Variants in FBLN5 observed in about 807,000 individuals in gnomAD.
The protein encoded by FBLN5 is fibulin 5.
Under a neutral mutation model 61.6 loss-of-function variants are expected in FBLN5, and 24 were observed. The observed-to-expected ratio is 0.39, with a 90% CI of 0.28 to 0.55. The LOEUF is 0.55. FBLN5 is among the 20% of genes least tolerant of loss of function. FBLN5 has a pLI of 0.65. For missense variants in FBLN5, 470 were observed against 594.1 expected (o/e 0.79, Z 2.17); for synonymous variants, 213 against 219.8 (o/e 0.97, Z 0.27).
chr14:91,925,808 C>CCCAG (rs1381096389), intron 4 of FBLN5, among the ~76,000 whole-genome samples: 3 of 152,242 alleles, frequency 2.0e-5, no homozygotes, highest in Non-Finnish European at 4.4e-5. Flanking sequence ...TGCCGTGGTA[C>CCCAG]CCAGCGTCTT....
rs8017530 is a variant in FBLN5 at position 91,924,087 on chromosome 14, T to C, written c.379+12860A>G. On this transcript the variant is annotated intron_variant, in intron 4 of 10. Coordinates refer to ENST00000342058, the MANE Select transcript of FBLN5 (RefSeq NM_006329.4). ...ATAAATTATGCCTAGTGTTCCATTA[T>C]TGGAACGCTAAGCATGTGGGAGTTA... 4.7e-3 allele frequency among the ~76,000 whole-genome samples: 720 copies of C among 152,328 alleles called. 5 individuals are homozygous for C. Among genetic ancestry groups the C allele is most frequent in the African/African-American group, 0.016 (677 of 41,570 alleles).
Position 91,940,629 on chromosome 14 carries a change from A to G in FBLN5, c.73-13T>C. The G allele has an allele frequency of 6.2e-7, 1 of 1,613,400 alleles. No individual in the cohort carries two copies. Among genetic ancestry groups the G allele is most frequent in the Non-Finnish European group, 8.5e-7 (1 of 1,179,298 alleles). On this transcript the variant is annotated splice_polypyrimidine_tract_variant and intron_variant, in intron 2 of 10. Transcript: ENST00000342058. ...TCGTGCACTGTGCCTGCAGGGAAGG[A>G]GAGAGGAGAAACAGGCAAGGTCATT...
In FBLN5 at chr14:91,883,074, T is replaced by C. The variant is rs1481040091; in HGVS notation, c.742A>G (p.Met248Val). ...AACTCAGAGAAGCTGCACTCGTCCA[T>C]ATCTGGGGTGACAAGTCACACCTGC... ...LEEDGVHCSD[M>V]DECSFSEFLC... The change falls in exon 8 of 11, where the codon ATG becomes GTG. Residue 248 changes from methionine to valine, a missense_variant and splice_region_variant. Coordinates refer to ENST00000342058, the MANE Select transcript of FBLN5 (RefSeq NM_006329.4). The C allele has an allele frequency of 1.2e-6, 2 of 1,613,750 alleles. No individual in the cohort carries two copies. Among genetic ancestry groups the C allele is most frequent in the Admixed American group, 3.3e-5 (2 of 60,002 alleles).
intron 4 of FBLN5, among the ~76,000 whole-genome samples, chr14:91,896,180 G>A (rs573532934): frequency 1.3e-5 from 2 of 152,232 alleles, no homozygotes; most frequent in South Asian, 4.2e-4. Flanking sequence ...TGCACTTTAG[G>A]GGAGAGCGCC....
intron 4 of FBLN5, among the ~76,000 whole-genome samples, chr14:91,912,284 G>T (rs1230837136): frequency 6.6e-6 from 1 of 152,154 alleles, no homozygotes; most frequent in Non-Finnish European, 1.5e-5. Context: ...ATCACGTGAG[G>T]CCAGGAGTTA....
chr14:91,885,036 G>C (rs1366188415), intron 7 of FBLN5, among the ~76,000 whole-genome samples: 7 of 152,164 alleles, frequency 4.6e-5, no homozygotes, highest in African/African-American at 1.7e-4. Context: ...GGAGGGGTCT[G>C]GGGCTACACG....
At chr14:91,901,099 T>C (rs1273850149) in intron 4 of FBLN5, among the ~76,000 whole-genome samples, 1 of 152,238 alleles carries the variant, frequency 6.6e-6, no homozygotes, top group Non-Finnish European at 1.5e-5. Flanking sequence ...TGGGCCCATC[T>C]ATGATTCTAT....
At chr14:91,892,945 T>A (rs1233699225) in intron 5 of FBLN5, among the ~76,000 whole-genome samples, 2 of 152,192 alleles carry the variant, frequency 1.3e-5, no homozygotes, top group African/African-American at 4.8e-5. Flanking sequence ...ATGCTAGGCA[T>A]CCATGAGCAT....
intron 10 of FBLN5, chr14:91,874,207 A>T (rs1380465585): frequency 6.6e-6 from 1 of 152,172 alleles, no homozygotes; most frequent in Non-Finnish European, 1.5e-5. Flanking sequence ...GAGAGCCTGG[A>T]TGGCCATCCA....
intron 4 of FBLN5, among the ~76,000 whole-genome samples, chr14:91,904,261 C>T (rs116618567): frequency 0.012 from 1,808 of 152,280 alleles, 39 homozygotes; most frequent in African/African-American, 0.041. Context: ...AAGACTCTTC[C>T]GAAAGCAAGA....
intron 4 of FBLN5, among the ~76,000 whole-genome samples, chr14:91,935,933 C>G (rs2056007740): frequency 6.6e-6 from 1 of 152,168 alleles, no homozygotes; most frequent in African/African-American, 2.4e-5. Flanking sequence ...AGCGAAAATG[C>G]AGAAGTTTGG....
chr14:91,890,685 A>C (rs1889952447), intron 6 of FBLN5, among the ~76,000 whole-genome samples: 1 of 152,228 alleles, frequency 6.6e-6, no homozygotes, highest in Non-Finnish European at 1.5e-5. Context: ...GCTGAGTAGC[A>C]GGGGATGTTA....
At chr14:91,887,630 G>GA (rs1170890427) in intron 6 of FBLN5, among the ~76,000 whole-genome samples, 1 of 152,084 alleles carries the variant, frequency 6.6e-6, no homozygotes, top group African/African-American at 2.4e-5. Flanking sequence ...CCCCAACCAG[G>GA]AATTTCCAGG....
intron 6 of FBLN5, among the ~76,000 whole-genome samples, chr14:91,890,582 G>A (rs1227340418): frequency 6.6e-6 from 1 of 152,216 alleles, no homozygotes; most frequent in African/African-American, 2.4e-5. Flanking sequence ...ACCACAATAG[G>A]CATGCAACTT....
intron 4 of FBLN5, among the ~76,000 whole-genome samples, chr14:91,917,866 T>C (rs1891262105): frequency 6.6e-6 from 1 of 152,224 alleles, no homozygotes; most frequent in Non-Finnish European, 1.5e-5. Context: ...TAGAAATCTC[T>C]GCAGAGCACG....
chr14:91,883,864 G>A lies in FBLN5; in HGVS notation c.740-788C>T, dbSNP rs151243760. 2.0e-3 allele frequency among the ~76,000 whole-genome samples: 312 copies of A among 152,278 alleles called. 3 individuals are homozygous for A. The highest frequency in any genetic ancestry group is 0.012 in the Admixed American group (179 of 15,302). On this transcript the variant is annotated intron_variant, in intron 7 of 10. Coordinates refer to ENST00000342058, the MANE Select transcript of FBLN5 (RefSeq NM_006329.4). Reference sequence around the variant, plus strand: ...TGTCCATGTGATTTACAACTCATCCGCATGGGCTATGGCGGTTGATGCAGA... The same window carrying A: ...TGTCCATGTGATTTACAACTCATCCACATGGGCTATGGCGGTTGATGCAGA...
At chr14:91,937,726 C>T (rs1483709864) in intron 3 of FBLN5, among the ~76,000 whole-genome samples, 1 of 152,124 alleles carries the variant, frequency 6.6e-6, no homozygotes, top group Non-Finnish European at 1.5e-5. Context: ...GCAAGAAGGC[C>T]CTCACCAGAT....
intron 5 of FBLN5, among the ~76,000 whole-genome samples, chr14:91,893,054 A>G (rs1486834755): frequency 2.0e-5 from 3 of 152,150 alleles, no homozygotes; most frequent in Non-Finnish European, 4.4e-5. Context: ...TTTCTGTAAC[A>G]GGGCTGGTAT....
intron 3 of FBLN5, chr14:91,939,938 G>A (rs1428951241): frequency 2.2e-6 from 1 of 453,866 alleles, no homozygotes; most frequent in South Asian, 1.6e-5. Flanking sequence ...GAGGCTGATT[G>A]GTCAGAGAGA....
Sources: gnomAD v4.1 joint callset for allele counts (sites outside exome capture counted in the v4.1 genomes callset) on GRCh38, gnomAD v4.1.1 for gene constraint, MANE v1.5 for transcripts, NCBI Gene and HGNC (gene_info 2026-07-23, HGNC 2026-07-21) for gene names.